Variants in SFRP1 observed in about 807,000 individuals in gnomAD.
SFRP1 encodes the protein secreted frizzled related protein 1, also known as secreted frizzled-related protein 1.
SFRP1 carries 9 observed loss-of-function variants against 25.9 expected under a neutral mutation model. The observed-to-expected ratio is 0.35, with a 90% confidence interval of 0.21 to 0.61. SFRP1 has a LOEUF of 0.61. Among genes scored for constraint, SFRP1 ranks in the 20% least tolerant of loss-of-function variants. SFRP1 has a pLI of 0.78. For missense variants in SFRP1, 346 were observed against 418.2 expected (o/e 0.83, Z 1.51); for synonymous variants, 178 against 174.0 (o/e 1.02, Z -0.18).
At chr8:41,299,423 A>T (rs1803884152) in intron 2 of SFRP1, among the ~76,000 whole-genome samples, 1 of 150,346 alleles carries the variant, frequency 6.7e-6, no homozygotes, top group South Asian at 2.1e-4. Flanking sequence ...CAGTCACCCA[A>T]AACAGGGCAT....
At chr8:41,284,292 C>A (rs1286574945) in intron 2 of SFRP1, among the ~76,000 whole-genome samples, 1 of 152,002 alleles carries the variant, frequency 6.6e-6, no homozygotes, top group Admixed American at 6.5e-5. Context: ...CAGGTAAACA[C>A]CCTGAAGAGC....
At chr8:41,298,807 A>G (rs1223127293) in intron 2 of SFRP1, among the ~76,000 whole-genome samples, 1 of 152,158 alleles carries the variant, frequency 6.6e-6, no homozygotes, top group East Asian at 1.9e-4. Context: ...GTATCCATTA[A>G]AAAAATTTTA....
intron 1 of SFRP1, among the ~76,000 whole-genome samples, chr8:41,307,766 T>A (rs1009701313): frequency 6.6e-6 from 1 of 152,178 alleles, no homozygotes; most frequent in Non-Finnish European, 1.5e-5. Context: ...TCTTTAAACA[T>A]AAGGGGGTTT....
chr8:41,275,116 TA>T, intron 2 of SFRP1: 1 of 415,818 alleles, frequency 2.4e-6, no homozygotes. Context: ...ATTATTTACT[TA>T]GAACTGGAAG....
chr8:41,288,499 C>T (rs1238288792), intron 2 of SFRP1, among the ~76,000 whole-genome samples: 7 of 123,074 alleles, frequency 5.7e-5, no homozygotes, highest in African/African-American at 2.2e-4. Flanking sequence ...ATAGTGCCAC[C>T]GCAGTCCAGC....
intron 1 of SFRP1, among the ~76,000 whole-genome samples, chr8:41,304,894 C>T (rs568514712): frequency 1.3e-5 from 2 of 152,102 alleles, no homozygotes; most frequent in African/African-American, 2.4e-5. Context: ...GGAGCAAACA[C>T]CTTCCAGATT....
intron 2 of SFRP1, among the ~76,000 whole-genome samples, chr8:41,276,490 G>A (rs1325616971): frequency 2.0e-5 from 3 of 152,284 alleles, no homozygotes; most frequent in African/African-American, 7.2e-5. Flanking sequence ...TTCCCAGCAG[G>A]AGCCAATGTC....
Position 41,262,118 on chromosome 8 carries a change from A to G in SFRP1, c.*3049T>C, listed in dbSNP as rs923808834. The stretch of plus-strand genomic sequence containing the variant: ...AAAAAAACAACACAAATGAAATGGA[A>G]TGTAAAACATTTTCACAGTATTCAA... On this transcript the variant is annotated 3_prime_UTR_variant, in exon 3 of 3. Transcript: ENST00000220772. The G allele has an allele frequency of 3.3e-5, 5 of 152,600 alleles. No individual in the cohort carries two copies. The highest frequency in any genetic ancestry group is 1.2e-4 in the African/African-American group (5 of 41,474). The allele number at this position is 152,600 out of a possible 1,614,324, so 9.5% of individuals were successfully genotyped here.
intron 2 of SFRP1, among the ~76,000 whole-genome samples, chr8:41,283,970 T>C (rs1012557123): frequency 1.6e-4 from 24 of 152,312 alleles, no homozygotes; most frequent in Admixed American, 9.8e-4. Context: ...CCTACTGCTG[T>C]ACACAAGGTG....
In SFRP1 at chr8:41,309,388, C is replaced by G. The variant is rs1364980999; in HGVS notation, c.-229G>C. The G allele has an allele frequency of 4.2e-6, 1 of 238,884 alleles. No individual in the cohort carries two copies. The highest frequency in any genetic ancestry group is 7.3e-6 in the Non-Finnish European group (1 of 136,880). The allele number at this position is 238,884 out of a possible 1,614,324, so 14.8% of individuals were successfully genotyped here. On this transcript the variant is annotated 5_prime_UTR_variant, in exon 1 of 3. Coordinates refer to ENST00000220772, the MANE Select transcript of SFRP1 (RefSeq NM_003012.5). Reference sequence around the variant, plus strand: ...GGCGGCGCTGCGGGCTGGGTGCGCCCCGGCTCCCGGAGGTGCGGCGAGCAG... The same window carrying G: ...GGCGGCGCTGCGGGCTGGGTGCGCCGCGGCTCCCGGAGGTGCGGCGAGCAG...
intron 2 of SFRP1, among the ~76,000 whole-genome samples, chr8:41,294,143 A>G (rs868101996): frequency 2.8e-4 from 42 of 152,176 alleles, no homozygotes; most frequent in African/African-American, 9.7e-4. Flanking sequence ...CTGAGAGGTG[A>G]GCACAGCGGG....
Position 41,271,946 on chromosome 8 carries a change from CAG to C in SFRP1, c.623-6459_623-6458del, listed in dbSNP as rs369175049. On this transcript the variant is annotated intron_variant, in intron 2 of 2. Transcript: ENST00000220772. ...CACCCCTGCGCTCCAGCCTGGGTGA[CAG>C]AGTGAGACCCTGCCTCAAAAAAAAT... 1.4e-3 allele frequency among the ~76,000 whole-genome samples: 209 copies of C among 152,198 alleles called. 1 individual carries two copies. The highest frequency in any genetic ancestry group is 4.8e-3 in the African/African-American group (200 of 41,514).
chr8:41,287,500 C>T (rs1345781693), intron 2 of SFRP1, among the ~76,000 whole-genome samples: 1 of 152,216 alleles, frequency 6.6e-6, no homozygotes, highest in Admixed American at 6.5e-5. Context: ...ATCCCACCTG[C>T]ACCAGGGCCT....
At chr8:41,297,870 G>C (rs557660482) in intron 2 of SFRP1, among the ~76,000 whole-genome samples, 1 of 152,054 alleles carries the variant, frequency 6.6e-6, no homozygotes, top group South Asian at 2.1e-4. Flanking sequence ...CAAACCCTAA[G>C]AGTAAAGGAG....
chr8:41,265,126 A>AGC lies in SFRP1; in HGVS notation c.*40_*41insGC. 1 of 136,966 alleles carries AGC rather than the reference A, an allele frequency of 7.3e-6. No individual in the cohort carries two copies. Among genetic ancestry groups the AGC allele is most frequent in the Non-Finnish European group, 1.4e-5 (1 of 71,656 alleles). 8.5% of individuals were successfully genotyped at this position (136,966 alleles called of 1,614,324 possible). A position where few individuals can be genotyped will look rare whatever the true frequency, so the allele number is the denominator to read the frequency against. On this transcript the variant is annotated 3_prime_UTR_variant, in exon 3 of 3. Coordinates refer to ENST00000220772, the MANE Select transcript of SFRP1 (RefSeq NM_003012.5). ...CCGGGGCACTGTCCCCCCCGCTCCC[A>AGC]CCCCACCCGAGGCTCCCTCCCCACC...
At chr8:41,274,775 T>C (rs1803551624) in intron 2 of SFRP1, among the ~76,000 whole-genome samples, 1 of 152,210 alleles carries the variant, frequency 6.6e-6, no homozygotes, top group Non-Finnish European at 1.5e-5. Context: ...TTAAACTATA[T>C]TTACGTTGAA....
intron 2 of SFRP1, among the ~76,000 whole-genome samples, chr8:41,287,382 T>C (rs1310875774): frequency 6.6e-6 from 1 of 152,248 alleles, no homozygotes; most frequent in East Asian, 1.9e-4. Context: ...GCCGAAGCGA[T>C]GCTGAGCGCT....
intron 2 of SFRP1, among the ~76,000 whole-genome samples, chr8:41,293,693 A>C (rs536619739): frequency 6.6e-6 from 1 of 151,982 alleles, no homozygotes; most frequent in East Asian, 1.9e-4. Flanking sequence ...GTTACCAAAG[A>C]GCAGAGACAA....
At chr8:41,280,552 G>T (rs191884252) in intron 2 of SFRP1, among the ~76,000 whole-genome samples, 8 of 152,296 alleles carry the variant, frequency 5.3e-5, no homozygotes, top group Admixed American at 1.3e-4. Flanking sequence ...GCCATCTGGA[G>T]CCTACACACA....
Sources: allele counts gnomAD v4.1 joint callset (sites outside exome capture counted in the v4.1 genomes callset), GRCh38; gene constraint gnomAD v4.1.1; transcripts MANE v1.5; gene names NCBI Gene and HGNC (gene_info 2026-07-23, HGNC 2026-07-21).